Variants in CCDC122 observed in about 807,000 individuals in gnomAD.
The protein encoded by CCDC122 is coiled-coil domain containing 122, also known as coiled-coil domain-containing protein 122.
Under a neutral mutation model 37.0 loss-of-function variants are expected in CCDC122, and 38 were observed. The observed-to-expected ratio is 1.03, with a 90% CI of 0.79 to 1.35. The LOEUF is 1.35. CCDC122 is among the 40% of genes most tolerant of loss of function. The pLI, the probability that CCDC122 is intolerant of heterozygous loss-of-function variation, is 0.00. For missense variants in CCDC122, 305 were observed against 310.0 expected, an observed-to-expected ratio of 0.98 and a Z score of 0.12; for synonymous variants, 83 against 95.6, an observed-to-expected ratio of 0.87 and a Z score of 0.77.
At chr13:43,828,387 T>C (rs1953058984) in intron 3 of CCDC122, among the ~76,000 whole-genome samples, 2 of 152,234 alleles carry the variant, frequency 1.3e-5, no homozygotes, top group Admixed American at 6.5e-5. Context: ...TGAGAACTTA[T>C]ACTTGCTTTG....
intron 6 of CCDC122, among the ~76,000 whole-genome samples, chr13:43,847,047 T>C (rs544228754): frequency 6.6e-6 from 1 of 152,320 alleles, no homozygotes; most frequent in Non-Finnish European, 1.5e-5. Flanking sequence ...ACATTACTTT[T>C]AATAATGAAA....
At chr13:43,838,596 ACCAAC>A (rs1953241428) in intron 6 of CCDC122, among the ~76,000 whole-genome samples, 2 of 152,228 alleles carry the variant, frequency 1.3e-5, no homozygotes, top group South Asian at 4.1e-4. Context: ...CTATGAAGTT[ACCAAC>A]CACAGGTTCT....
rs150661478 is a variant in CCDC122 at position 43,852,928 on chromosome 13, A to C, written c.672+5853T>G. Among the ~76,000 whole-genome samples the C allele has an allele frequency of 2.2e-4, 33 of 152,292 alleles. 2 individuals carry two copies. The East Asian group carries it at 6.2e-3, about 29-fold the overall frequency. ...GGAGAAATAAGATCCTTTTCAGATA[A>C]GCAAATGCTGAGGGAGTTCGTTACC... On this transcript the variant is annotated intron_variant, in intron 6 of 6. Coordinates refer to ENST00000444614, the MANE Select transcript of CCDC122 (RefSeq NM_144974.5).
chr13:43,841,783 T>A (rs12430629), intron 6 of CCDC122, among the ~76,000 whole-genome samples: 56,887 of 152,064 alleles, frequency 0.37, 12,811 homozygotes, highest in Non-Finnish European at 0.52. Flanking sequence ...TGATCACAGA[T>A]CACTACAGCC....
At chr13:43,840,823 G>A (rs1222885614) in intron 6 of CCDC122, among the ~76,000 whole-genome samples, 1 of 151,204 alleles carries the variant, frequency 6.6e-6, no homozygotes, top group Non-Finnish European at 1.5e-5. Flanking sequence ...TTGCTATTGT[G>A]AATAGTGCTG....
intron 3 of CCDC122, among the ~76,000 whole-genome samples, chr13:43,829,198 T>C (rs2153868202): frequency 6.6e-6 from 1 of 152,256 alleles, no homozygotes; most frequent in East Asian, 1.9e-4. Context: ...TACTCCTTTC[T>C]AATTTTCGGA....
At chr13:43,852,989 A>G (rs1468882735) in intron 6 of CCDC122, among the ~76,000 whole-genome samples, 1 of 152,176 alleles carries the variant, frequency 6.6e-6, no homozygotes, top group Non-Finnish European at 1.5e-5. Context: ...TGAAGAAAGC[A>G]CTAAATATGG....
chr13:43,844,554 C>T (rs1953455196), intron 6 of CCDC122, among the ~76,000 whole-genome samples: 1 of 151,908 alleles, frequency 6.6e-6, no homozygotes, highest in Admixed American at 6.6e-5. Context: ...TACTGATATT[C>T]TGTATTGTTC....
chr13:43,827,122 G>A (rs1352262456), intron 3 of CCDC122, among the ~76,000 whole-genome samples: 1 of 152,054 alleles, frequency 6.6e-6, no homozygotes, highest in Admixed American at 6.5e-5. Flanking sequence ...TTAAAGCATG[G>A]TTCAAAGTAT....
At chr13:43,853,525 C>G (rs2153873501) in intron 6 of CCDC122, among the ~76,000 whole-genome samples, 1 of 152,186 alleles carries the variant, frequency 6.6e-6, no homozygotes, top group East Asian at 1.9e-4. Context: ...GACTTAGACC[C>G]CCACACAATA....
chr13:43,864,333 T>A (rs1954206615), intron 4 of CCDC122, among the ~76,000 whole-genome samples: 1 of 152,212 alleles, frequency 6.6e-6, no homozygotes, highest in Non-Finnish European at 1.5e-5. Context: ...TCTTGTGTAT[T>A]AGTCCATTCT....
intron 6 of CCDC122, among the ~76,000 whole-genome samples, chr13:43,841,459 T>C (rs1240957189): frequency 1.3e-5 from 2 of 152,180 alleles, no homozygotes; most frequent in African/African-American, 2.4e-5. Context: ...GAATAGTATC[T>C]CATTGTGGTT....
At chr13:43,835,682 A>C (rs1953144563), downstream of CCDC122, among the ~76,000 whole-genome samples, 1 of 152,222 alleles carries the variant, frequency 6.6e-6, no homozygotes. Context: ...ATCATTTACA[A>C]ATATTTTGAA....
intron 4 of CCDC122, among the ~76,000 whole-genome samples, chr13:43,863,831 A>T (rs1412308945): frequency 6.6e-6 from 1 of 152,232 alleles, no homozygotes; most frequent in Non-Finnish European, 1.5e-5. Context: ...GTTTGTTTTC[A>T]TAATAGTGTA....
chr13:43,861,364 T>C (rs1265570337), intron 4 of CCDC122, among the ~76,000 whole-genome samples: 1 of 152,214 alleles, frequency 6.6e-6, no homozygotes, highest in Non-Finnish European at 1.5e-5. Context: ...GAAAGCATTG[T>C]AATGTATGGC....
At chr13:43,852,019 A>G (rs1953752913) in intron 6 of CCDC122, among the ~76,000 whole-genome samples, 1 of 152,106 alleles carries the variant, frequency 6.6e-6, no homozygotes, top group South Asian at 2.1e-4. Context: ...GAGGAGCATA[A>G]GCCCATAAAG....
chr13:43,821,081 A>AT (rs113631634), downstream of CCDC122, among the ~76,000 whole-genome samples: 30 of 152,100 alleles, frequency 2.0e-4, no homozygotes, highest in South Asian at 4.8e-3. Context: ...GTGTTTTAGG[A>AT]TTTTTTTCTT....
intron 2 of CCDC122, among the ~76,000 whole-genome samples, chr13:43,870,377 C>G (rs1954406687): frequency 6.6e-6 from 1 of 152,080 alleles, no homozygotes; most frequent in African/African-American, 2.4e-5. Context: ...CAGAACTGTC[C>G]CAGATTAGTG....
At chr13:43,821,504 G>C (rs927134660), downstream of CCDC122, among the ~76,000 whole-genome samples, 4 of 152,192 alleles carry the variant, frequency 2.6e-5, no homozygotes, top group African/African-American at 4.8e-5. Context: ...AATTATAGGC[G>C]TAAGCCACTA....
Sources: gnomAD v4.1 joint callset for allele counts (sites outside exome capture counted in the v4.1 genomes callset) on GRCh38, gnomAD v4.1.1 for gene constraint, MANE v1.5 for transcripts, NCBI Gene and HGNC (gene_info 2026-07-23, HGNC 2026-07-21) for gene names.